CDRT4: variants seen among roughly 807,000 people sequenced by gnomAD.
The protein encoded by CDRT4 is CMT1A duplicated region transcript 4.
For synonymous variants in CDRT4, 64 were observed against 69.6 expected (o/e 0.92, Z 0.40); for missense variants, 167 against 193.1 (o/e 0.87, Z 0.80).
At chr17:15,440,563 G>C (rs1389980370) in intron 2 of CDRT4, among the ~76,000 whole-genome samples, 1 of 152,128 alleles carries the variant, frequency 6.6e-6, no homozygotes, top group African/African-American at 2.4e-5. Context: ...GAGAGAGGCT[G>C]GGTAGGCTGG....
intron 2 of CDRT4, among the ~76,000 whole-genome samples, chr17:15,448,310 T>C (rs991686338): frequency 4.6e-5 from 7 of 152,186 alleles, no homozygotes; most frequent in Admixed American, 1.3e-4. Context: ...AGCATGACCA[T>C]GCAGAAAACA....
chr17:15,465,657 G>A lies in CDRT4; in HGVS notation c.-130+1803C>T, dbSNP rs766893078. 4.0e-5 allele frequency among the ~76,000 whole-genome samples: 6 copies of A among 151,654 alleles called. No homozygotes were observed. The East Asian group carries it at 5.8e-4, about 15-fold the overall frequency. ...ACATTCATACAACACAGACACACAC[G>A]CACAAAGATACACACAACACACAAA... On this transcript the variant is annotated intron_variant, in intron 1 of 3. Coordinates refer to ENST00000619038, the MANE Select transcript of CDRT4 (RefSeq NM_001204477.2).
At chr17:15,445,351 T>C (rs771883476) in intron 2 of CDRT4, among the ~76,000 whole-genome samples, 2 of 152,178 alleles carry the variant, frequency 1.3e-5, no homozygotes, top group African/African-American at 2.4e-5. Context: ...ATTTCAGGCC[T>C]GTCCTCAGTC....
chr17:15,447,855 A>G (rs956262262), intron 2 of CDRT4, among the ~76,000 whole-genome samples: 1 of 152,186 alleles, frequency 6.6e-6, no homozygotes, highest in Non-Finnish European at 1.5e-5. Flanking sequence ...GTAGGCTTGT[A>G]CACTGGCAGA....
chr17:15,462,618 AC>A, intron 1 of CDRT4, among the ~76,000 whole-genome samples: 1 of 152,244 alleles, frequency 6.6e-6, no homozygotes, highest in Non-Finnish European at 1.5e-5. Flanking sequence ...AACAGGCTAC[AC>A]CTATTGCAGC....
intron 1 of CDRT4, among the ~76,000 whole-genome samples, chr17:15,453,667 G>A (rs1979360746): frequency 6.6e-6 from 1 of 152,250 alleles, no homozygotes. Flanking sequence ...ATCTGAAGAC[G>A]GCAATTGATA....
At chr17:15,441,741 C>T (rs1978771715) in intron 2 of CDRT4, among the ~76,000 whole-genome samples, 2 of 152,108 alleles carry the variant, frequency 1.3e-5, no homozygotes, top group Non-Finnish European at 2.9e-5. Context: ...ATTCATACTC[C>T]CAAAAAAATG....
At chr17:15,446,469 C>T (rs1163062965) in intron 2 of CDRT4, among the ~76,000 whole-genome samples, 3 of 151,918 alleles carry the variant, frequency 2.0e-5, no homozygotes, top group African/African-American at 4.8e-5. Flanking sequence ...TGGGGAGGGG[C>T]GAATTGGTCT....
chr17:15,437,955 T>C lies in CDRT4; in HGVS notation c.277A>G (p.Thr93Ala). The change falls in exon 4 of 4, where the codon ACG becomes GCG. Residue 93 changes from threonine (T) to alanine (A), a missense_variant. Thr to Ala is a moderately conservative substitution (Grantham distance 58). Transcript: ENST00000619038. ...ATTGATAACGTGGATTCTGACAGCG[T>C]GTCCCTGAACACAGCTTTGCCAGAA... The part of the protein sequence containing the change: ...KSSGKAVFRD[T>A]LSESTLSMWG... 3.1e-6 allele frequency: 5 copies of C among 1,614,224 alleles called. No individual in the cohort carries two copies. The highest frequency in any genetic ancestry group is 3.4e-6 in the Non-Finnish European group (4 of 1,180,046).
At chr17:15,465,032 C>G (rs1979938631) in intron 1 of CDRT4, among the ~76,000 whole-genome samples, 1 of 145,994 alleles carries the variant, frequency 6.8e-6, no homozygotes, top group South Asian at 2.3e-4. Flanking sequence ...CACACCAACA[C>G]ACAGACACAC....
intron 2 of CDRT4, among the ~76,000 whole-genome samples, chr17:15,448,587 G>C (rs1483869691): frequency 6.6e-6 from 1 of 152,154 alleles, no homozygotes; most frequent in East Asian, 1.9e-4. Flanking sequence ...AGAGAACTTT[G>C]TCAGGTCATC....
chr17:15,464,022 C>T lies in CDRT4; in HGVS notation c.-130+3438G>A, dbSNP rs1979878848. On this transcript the variant is annotated intron_variant, in intron 1 of 3. Transcript: ENST00000619038. This position sits in a 1 kb window ranked among gnomAD's most constrained non-coding sequence, Gnocchi z 4.5. Reference sequence around the variant, plus strand: ...TAACAGAGTCAGAAGTCAGACAGAGCACGGGGACCAGGAACCCAATGCCCT... The same window carrying T: ...TAACAGAGTCAGAAGTCAGACAGAGTACGGGGACCAGGAACCCAATGCCCT... 6.6e-6 allele frequency among the ~76,000 whole-genome samples: 1 copy of T among 152,158 alleles called. No homozygotes were observed. Among genetic ancestry groups the T allele is most frequent in the East Asian group, 1.9e-4 (1 of 5,188 alleles).
chr17:15,438,225 C>T (rs1310839008), intron 3 of CDRT4, 25 bp from the exon 4 acceptor site: 1 of 1,600,974 alleles, frequency 6.2e-7, no homozygotes, highest in East Asian at 2.2e-5. Flanking sequence ...AAATGCAGGC[C>T]ATTTAGAGGC....
chr17:15,451,637 T>C (rs1473025966), intron 2 of CDRT4, among the ~76,000 whole-genome samples: 1 of 152,142 alleles, frequency 6.6e-6, no homozygotes, highest in Non-Finnish European at 1.5e-5. Context: ...TCAAGCTTGT[T>C]CCCACCTCAG....
Position 15,438,156 on chromosome 17 carries a change from G to A in CDRT4, c.76C>T (p.His26Tyr), listed in dbSNP as rs1405703185. 1.2e-6 allele frequency: 2 copies of A among 1,613,984 alleles called. No individual in the cohort carries two copies. Among genetic ancestry groups the A allele is most frequent in the Non-Finnish European group, 1.7e-6 (2 of 1,180,018 alleles). The change falls in exon 4 of 4, where the codon CAT (histidine) becomes TAT (tyrosine). Residue 26 changes from histidine (H) to tyrosine (Y), a missense_variant. By Grantham distance (83) the His-to-Tyr change is moderately conservative (BLOSUM62 2). Transcript: ENST00000619038. The stretch of plus-strand genomic sequence containing the variant: ...GTGACATAGGCCGGCCAGGGGTCAT[G>A]TTTTTCAAGTAGCTTCCGGGGAAGT... ...TGLPRKLLEK[H>Y]DPWPAYVTYT...
Position 15,460,705 on chromosome 17 carries a change from C to T in CDRT4, c.-130+6755G>A, listed in dbSNP as rs551932509. Among the ~76,000 whole-genome samples the T allele has an allele frequency of 7.4e-4, 112 of 152,272 alleles. 1 individual carries two copies. The highest frequency in any genetic ancestry group is 3.9e-3 in the Admixed American group (59 of 15,286). ...CCCCCTGTGTAATCTGTTTTGTCCA[C>T]ACAGCAGCCAGAGTGATCTTTCTAA... On this transcript the variant is annotated intron_variant, in intron 1 of 3. Transcript: ENST00000619038.
At chr17:15,454,537 T>C (rs1464527668) in intron 1 of CDRT4, among the ~76,000 whole-genome samples, 1 of 152,144 alleles carries the variant, frequency 6.6e-6, no homozygotes, top group Non-Finnish European at 1.5e-5. Flanking sequence ...ACTCCCTAAG[T>C]CACCAGCCAT....
Position 15,440,251 on chromosome 17 carries a change from A to AT in CDRT4, c.-14dup. The AT allele has an allele frequency of 6.2e-7, 1 of 1,613,136 alleles. No homozygotes were observed. ...TTCTTGCATCCATCTTCTTTTTAATATTTACTGATTTCTTAACATCACAGG... is the reference window on the plus strand; with the variant it reads ...TTCTTGCATCCATCTTCTTTTTAATATTTTACTGATTTCTTAACATCACAGG... On this transcript the variant is annotated 5_prime_UTR_variant, in exon 3 of 4. Transcript: ENST00000619038.
At chr17:15,439,624 TC>T (rs1978661682) in intron 3 of CDRT4, among the ~76,000 whole-genome samples, 1 of 152,178 alleles carries the variant, frequency 6.6e-6, no homozygotes, top group Admixed American at 6.5e-5. Context: ...CATGCTGTGT[TC>T]TCTGCCACCA....
Sources: gnomAD v4.1 joint callset for allele counts (sites outside exome capture counted in the v4.1 genomes callset) on GRCh38, gnomAD v4.1.1 for gene constraint, Gnocchi (gnomAD v3.1) non-coding constraint, MANE v1.5 for transcripts, NCBI Gene and HGNC (gene_info 2026-07-23, HGNC 2026-07-21) for gene names.